The following PPAT variants were observed in gnomAD, a reference collection of about 807,000 sequenced individuals.
PPAT encodes the protein phosphoribosyl pyrophosphate amidotransferase.
A neutral mutation model predicts 60.2 loss-of-function variants in PPAT; 20 were observed. The observed-to-expected ratio is 0.33, with a 90% CI of 0.23 to 0.48. The LOEUF (loss-of-function observed/expected upper bound fraction) is 0.48, where lower values mean the gene tolerates loss of function less well. Among genes scored for constraint, PPAT ranks in the 20% least tolerant of loss-of-function variants. The pLI is 0.99. For missense variants in PPAT, 349 were observed against 629.6 expected (o/e 0.55, Z 4.77); for synonymous variants, 194 against 215.1 (o/e 0.90, Z 0.86).
intron 1 of PPAT, among the ~76,000 whole-genome samples, chr4:56,419,365 G>A (rs1382549485): frequency 6.6e-6 from 1 of 151,920 alleles, no homozygotes; most frequent in African/African-American, 2.4e-5. Context: ...AGAAAAAAAA[G>A]GTATACAGGA....
intron 1 of PPAT, among the ~76,000 whole-genome samples, chr4:56,427,887 A>G (rs79014743): frequency 0.016 from 2,386 of 152,264 alleles, 45 homozygotes; most frequent in Non-Finnish European, 0.019. Context: ...TGTATTACCT[A>G]AAATGCTTCC....
chr4:56,394,312 T>A lies in PPAT; in HGVS notation c.*1040A>T, dbSNP rs1344457788. On this transcript the variant is annotated 3_prime_UTR_variant, in exon 11 of 11. Coordinates refer to ENST00000264220, the MANE Select transcript of PPAT (RefSeq NM_002703.5). ...GATCCTTAAACAAAACTGGCCCCTA[T>A]TGTGTCTGTACTTGATCACTTAATT... 14 of 152,130 alleles carry A rather than the reference T, an allele frequency of 9.2e-5. No individual in the cohort carries two copies. The highest frequency in any genetic ancestry group is 2.1e-4 in the Non-Finnish European group (14 of 68,008). 9.4% of individuals were successfully genotyped at this position (152,130 alleles called of 1,614,324 possible). A position where few individuals can be genotyped will look rare whatever the true frequency, so the allele number is the denominator to read the frequency against.
At chr4:56,426,265 G>A (rs1717280338) in intron 1 of PPAT, among the ~76,000 whole-genome samples, 3 of 152,096 alleles carry the variant, frequency 2.0e-5, no homozygotes, top group Admixed American at 1.3e-4. Flanking sequence ...GCTGGGCGTG[G>A]TGGCCGCGCA....
intron 1 of PPAT, chr4:56,420,750 C>T (rs1008895194): frequency 6.6e-6 from 1 of 152,138 alleles, no homozygotes; most frequent in African/African-American, 2.4e-5. Flanking sequence ...ATATAAAATA[C>T]ATGAGACTTT....
At chr4:56,401,053 C>A in intron 7 of PPAT, 142 bp from the exon 8 acceptor site, 2 of 913,524 alleles carry the variant, frequency 2.2e-6, no homozygotes, top group Non-Finnish European at 3.2e-6. Context: ...TGAAAATACA[C>A]AAACTGGGGA....
At chr4:56,400,972 C>A in intron 7 of PPAT, 61 bp from the exon 8 acceptor site, 1 of 1,466,736 alleles carries the variant, frequency 6.8e-7, no homozygotes. Context: ...CAGTGTTATT[C>A]TAAAAAACTA....
At chr4:56,404,735 A>G (rs1211664294) in intron 3 of PPAT, among the ~76,000 whole-genome samples, 1 of 152,226 alleles carries the variant, frequency 6.6e-6, no homozygotes, top group Non-Finnish European at 1.5e-5. Context: ...GAAAAGCACA[A>G]TAAGGTCATT....
intron 1 of PPAT, among the ~76,000 whole-genome samples, chr4:56,433,576 T>A (rs546665479): frequency 6.6e-6 from 1 of 152,080 alleles, no homozygotes; most frequent in East Asian, 1.9e-4. Context: ...CTTGAATAAC[T>A]TTGGCAAAAA....
chr4:56,414,773 A>G (rs1289401908), intron 1 of PPAT, among the ~76,000 whole-genome samples: 5 of 152,234 alleles, frequency 3.3e-5, no homozygotes, highest in South Asian at 2.1e-4. Context: ...CTCATACTCA[A>G]GCTCAGGTGT....
In PPAT at chr4:56,396,795, T is replaced by C; in HGVS notation, c.1237-56A>G. On this transcript the variant is annotated intron_variant, in intron 9 of 10. Transcript: ENST00000264220. The surrounding 1 kb of genome is among the most constrained non-coding windows in gnomAD (Gnocchi z 4.6). Reference sequence around the variant, plus strand: ...TTAAGACTATGCAAAATTCTTTCATTGTGCAAATACAATACAAAATTGTTT... The same window carrying C: ...TTAAGACTATGCAAAATTCTTTCATCGTGCAAATACAATACAAAATTGTTT... 1 of 1,547,926 alleles carries C rather than the reference T, an allele frequency of 6.5e-7. No individual in the cohort carries two copies.
At chr4:56,406,248 C>T (rs1716237664) in intron 3 of PPAT, among the ~76,000 whole-genome samples, 1 of 152,186 alleles carries the variant, frequency 6.6e-6, no homozygotes, top group South Asian at 2.1e-4. Context: ...TCCCAAATCT[C>T]TAAAGCAGTG....
At chr4:56,405,397 A>G (rs1355874337) in intron 3 of PPAT, among the ~76,000 whole-genome samples, 1 of 152,222 alleles carries the variant, frequency 6.6e-6, no homozygotes, top group Non-Finnish European at 1.5e-5. Context: ...TGCCAAAATG[A>G]TAGGTGTCCT....
At chr4:56,410,922 A>T in intron 1 of PPAT, 3 of 852,382 alleles carry the variant, frequency 3.5e-6, no homozygotes, top group Non-Finnish European at 4.2e-6. Flanking sequence ...AAAAAAAAAA[A>T]AAAAAAGAAA....
chr4:56,415,796 G>A (rs1716698272), intron 1 of PPAT, among the ~76,000 whole-genome samples: 1 of 152,044 alleles, frequency 6.6e-6, no homozygotes, highest in African/African-American at 2.4e-5. Flanking sequence ...AAATTGTAAG[G>A]CTGGGCACAG....
chr4:56,421,915 C>T (rs1433041030), intron 1 of PPAT: 1 of 152,160 alleles, frequency 6.6e-6, no homozygotes, highest in Non-Finnish European at 1.5e-5. Flanking sequence ...GGTAGGGAAT[C>T]TAACTAATCA....
At chr4:56,433,970 G>C (rs1717754585) in intron 1 of PPAT, among the ~76,000 whole-genome samples, 1 of 152,148 alleles carries the variant, frequency 6.6e-6, no homozygotes, top group African/African-American at 2.4e-5. Context: ...GATTACAGGC[G>C]TGAGCCACCG....
In PPAT at chr4:56,407,669, G is replaced by T. The variant is rs1193005000; in HGVS notation, c.176C>A (p.Pro59Gln). Residue 59 changes from proline to glutamine, a missense_variant, in exon 2 of 11, where the codon CCA becomes CAA. Pro to Gln is a moderately conservative substitution (Grantham distance 76). This residue lies in a region of PPAT where 115 missense variants were observed against 174.5 expected (regional missense o/e 0.66). Transcript: ENST00000264220. The part of the protein sequence containing the change: ...GIVTSDGSSV[P>Q]TFKSHKGMGL... ...ATTTACCTTGTGTGATTTGAATGTTGGCACCGAACTCCCATCACTAGTCAC... is the reference window on the plus strand; with the variant it reads ...ATTTACCTTGTGTGATTTGAATGTTTGCACCGAACTCCCATCACTAGTCAC... 29 of 1,604,690 alleles carry T rather than the reference G, an allele frequency of 1.8e-5. No homozygotes were observed. The highest frequency in any genetic ancestry group is 2.4e-5 in the Non-Finnish European group (28 of 1,171,336).
chr4:56,407,363 GGCTGGAGTACAATGGC>G (rs1716267690), intron 2 of PPAT, among the ~76,000 whole-genome samples: 1 of 150,802 alleles, frequency 6.6e-6, no homozygotes. Context: ...TTGTTGCCCA[GGCTGGAGTACAATGGC>G]GCAATATCAG....
intron 1 of PPAT, among the ~76,000 whole-genome samples, chr4:56,409,110 A>C (rs1716337682): frequency 6.6e-6 from 1 of 152,206 alleles, no homozygotes; most frequent in Admixed American, 6.5e-5. Context: ...ATTTAGGTCG[A>C]TAGCATGCGT....
Sources: gnomAD v4.1 joint callset for allele counts (sites outside exome capture counted in the v4.1 genomes callset) on GRCh38, gnomAD v4.1.1 for gene constraint, gnomAD v4.1.1 regional missense constraint, Gnocchi (gnomAD v3.1) non-coding constraint, MANE v1.5 for transcripts, NCBI Gene and HGNC (gene_info 2026-07-23, HGNC 2026-07-21) for gene names.